Variants in GPHN observed in about 807,000 individuals in gnomAD.
GPHN encodes gephyrin.
Under a neutral mutation model 95.5 loss-of-function variants are expected in GPHN, and 17 were observed. The observed-to-expected ratio is 0.18, with a 90% confidence interval of 0.12 to 0.27. GPHN has a LOEUF of 0.27. Among genes scored for constraint, GPHN ranks in the 10% least tolerant of loss-of-function variants. GPHN has a pLI of 1.00. For missense variants in GPHN, 660 were observed against 978.1 expected (o/e 0.67, Z 4.34); for synonymous variants, 320 against 322.5 (o/e 0.99, Z 0.08).
chr14:67,012,572 T>G (rs531876337), intron 9 of GPHN, among the ~76,000 whole-genome samples: 141 of 152,316 alleles, frequency 9.3e-4, no homozygotes, highest in African/African-American at 3.2e-3. Context: ...AATTTCAGTC[T>G]GGATTTCGGT....
chr14:67,525,794 C>T, the GPHN span, among the ~76,000 whole-genome samples: 2 of 152,182 alleles, frequency 1.3e-5, no homozygotes, highest in Non-Finnish European at 2.9e-5. Context: ...CCAAAAGAAC[C>T]ATGATCTTCT....
intron 1 of GPHN, among the ~76,000 whole-genome samples, chr14:66,593,043 CAGAA>C (rs2061824893): frequency 6.6e-6 from 1 of 152,084 alleles, no homozygotes; most frequent in Non-Finnish European, 1.5e-5. Context: ...ATAACTAACA[CAGAA>C]AGAGAAAACC....
intron 4 of GPHN, among the ~76,000 whole-genome samples, chr14:66,874,592 C>T (rs964535189): frequency 3.3e-4 from 50 of 152,092 alleles, no homozygotes; most frequent in African/African-American, 1.1e-3. Context: ...AAACACAACA[C>T]GAAAACTTCA....
chr14:67,328,188 A>G, the GPHN span, among the ~76,000 whole-genome samples: 1 of 152,150 alleles, frequency 6.6e-6, no homozygotes, highest in Non-Finnish European at 1.5e-5. Context: ...CTGGTGTGAG[A>G]TGGTATCTCA....
the GPHN span, among the ~76,000 whole-genome samples, chr14:67,511,625 A>G: frequency 6.6e-6 from 1 of 152,234 alleles, no homozygotes; most frequent in African/African-American, 2.4e-5. Flanking sequence ...GCCAGACTGG[A>G]TTGTGATCCA....
the GPHN span, among the ~76,000 whole-genome samples, chr14:67,219,521 C>T: frequency 6.6e-6 from 1 of 152,120 alleles, no homozygotes; most frequent in Non-Finnish European, 1.5e-5. Flanking sequence ...ATCTTGCTGA[C>T]ATCACTCCCT....
At chr14:66,580,770 G>C (rs1223221809) in intron 1 of GPHN, among the ~76,000 whole-genome samples, 1 of 151,712 alleles carries the variant, frequency 6.6e-6, no homozygotes, top group African/African-American at 2.4e-5. Context: ...TGTTTCTCAA[G>C]CTCTCTCAAA....
chr14:67,713,397 CAAAAAAAAAAAAA>C, the GPHN span, among the ~76,000 whole-genome samples: 1 of 47,630 alleles, frequency 2.1e-5, no homozygotes, highest in Non-Finnish European at 4.1e-5. Flanking sequence ...AGTAAAACTC[CAAAAAAAAAAAAA>C]AAAAAAAAAA....
the GPHN span, chr14:67,208,517 T>C: frequency 1.3e-6 from 2 of 1,504,384 alleles, no homozygotes; most frequent in East Asian, 2.3e-5. Context: ...ATATGTGCTT[T>C]AGTCTCTTAA....
the GPHN span, chr14:67,393,376 G>A: frequency 2.8e-6 from 2 of 710,600 alleles, no homozygotes; most frequent in South Asian, 3.2e-5. Flanking sequence ...AAGGGGTGTA[G>A]GAAAGCAGCC....
chr14:67,144,250 AATATATAT>A lies in GPHN; in HGVS notation c.1836+831_1836+838del, dbSNP rs71129810. Among the ~76,000 whole-genome samples the A allele has an allele frequency of 4.0e-4, 23 of 57,776 alleles. 1 individual carries two copies. Among genetic ancestry groups the A allele is most frequent in the East Asian group, 1.6e-3 (2 of 1,232 alleles). The allele number at this position is 57,776 out of a possible 152,430, so 37.9% of individuals were successfully genotyped here. Reference sequence around the variant, plus strand: ...AGACCCTGTCTTAAAAAAAAAAAAAAATATATATATATATATATATATATATATATATA... The same window carrying A: ...AGACCCTGTCTTAAAAAAAAAAAAAAATATATATATATATATATATATATA... On this transcript the variant is annotated intron_variant, in intron 18 of 22. Coordinates refer to ENST00000478722, the MANE Select transcript of GPHN (RefSeq NM_020806.5).
the GPHN span, among the ~76,000 whole-genome samples, chr14:67,715,604 T>G: frequency 6.6e-6 from 1 of 152,298 alleles, no homozygotes; most frequent in East Asian, 1.9e-4. Flanking sequence ...AATCCCTTAG[T>G]TTCATTTCTA....
chr14:66,612,364 C>T (rs965375441), intron 1 of GPHN, among the ~76,000 whole-genome samples: 13 of 151,864 alleles, frequency 8.6e-5, no homozygotes, highest in Non-Finnish European at 1.6e-4. Context: ...CTCTCCTTCC[C>T]TCCCACATAG....
At chr14:67,695,875 G>T in the GPHN span, 1 of 603,340 alleles carries the variant, frequency 1.7e-6, no homozygotes, top group Non-Finnish European at 3.0e-6. Context: ...GAGCGCTGCC[G>T]CCAACGCTGG....
At chr14:67,157,302 A>G (rs1040283652) in intron 18 of GPHN, among the ~76,000 whole-genome samples, 2 of 152,192 alleles carry the variant, frequency 1.3e-5, no homozygotes, top group Admixed American at 6.5e-5. Context: ...TTAATTCATC[A>G]GGAATATGTA....
At chr14:66,530,577 G>T (rs13379118) in intron 1 of GPHN, among the ~76,000 whole-genome samples, 1 of 152,080 alleles carries the variant, frequency 6.6e-6, no homozygotes, top group East Asian at 1.9e-4. Flanking sequence ...GAAACCCAGG[G>T]CCCTGGTGGC....
chr14:67,181,431 G>A lies in GPHN; in HGVS notation c.*494G>A. ...GTTTATGTGCACAGTGCCAAAAGAA[G>A]ACTGACTGGGTGGAGGCTCTGCCTT... On this transcript the variant is annotated 3_prime_UTR_variant, in exon 23 of 23. Coordinates refer to ENST00000478722, the MANE Select transcript of GPHN (RefSeq NM_020806.5). The A allele has an allele frequency of 2.0e-6, 1 of 508,168 alleles. No homozygotes were observed. The highest frequency in any genetic ancestry group is 1.6e-5 in the South Asian group (1 of 62,300). The allele number at this position is 508,168 out of a possible 1,614,324, so 31.5% of individuals were successfully genotyped here.
chr14:66,973,049 A>G (rs2069927429), intron 9 of GPHN, among the ~76,000 whole-genome samples: 1 of 152,240 alleles, frequency 6.6e-6, no homozygotes, highest in Non-Finnish European at 1.5e-5. Flanking sequence ...TTGTGGATCA[A>G]CTTAAAGAAC....
intron 2 of GPHN, among the ~76,000 whole-genome samples, chr14:66,729,691 A>C (rs891790302): frequency 6.6e-6 from 1 of 152,218 alleles, no homozygotes; most frequent in Non-Finnish European, 1.5e-5. Flanking sequence ...TGATATGAAA[A>C]TCTGAATGTG....
Sources: allele counts gnomAD v4.1 joint callset (sites outside exome capture counted in the v4.1 genomes callset), GRCh38; gene constraint gnomAD v4.1.1; transcripts MANE v1.5; gene names NCBI Gene and HGNC (gene_info 2026-07-23, HGNC 2026-07-21).